Variants in DNER observed in about 807,000 individuals in gnomAD.
DNER encodes delta/notch like EGF repeat containing.
Under a neutral mutation model 78.2 loss-of-function variants are expected in DNER, and 33 were observed. That is an observed-to-expected ratio of 0.42 (90% CI 0.32 to 0.56). The LOEUF (loss-of-function observed/expected upper bound fraction) is 0.56. DNER is among the 20% of genes least tolerant of loss of function. DNER has a pLI of 0.11. For synonymous variants in DNER, 417 were observed against 384.8 expected, an observed-to-expected ratio of 1.08 and a Z score of -0.98; for missense variants, 918 against 975.3, an observed-to-expected ratio of 0.94 and a Z score of 0.78.
chr2:229,626,088 T>G (rs1278287660), intron 1 of DNER, among the ~76,000 whole-genome samples: 1 of 152,062 alleles, frequency 6.6e-6, no homozygotes, highest in African/African-American at 2.4e-5. Context: ...CCTGGCTAAT[T>G]TTTTGTATTT....
At chr2:229,653,268 CTGGAGA>C (rs1347982190) in intron 1 of DNER, among the ~76,000 whole-genome samples, 7 of 152,202 alleles carry the variant, frequency 4.6e-5, no homozygotes, top group Non-Finnish European at 7.3e-5. Context: ...CCCAGTCCTG[CTGGAGA>C]TGGAGAGTCG....
chr2:229,472,909 C>A (rs1049752986), intron 7 of DNER, among the ~76,000 whole-genome samples: 3 of 152,168 alleles, frequency 2.0e-5, no homozygotes, highest in African/African-American at 7.2e-5. Context: ...TGTAGAAGGG[C>A]AGACGTGTCC....
intron 6 of DNER, among the ~76,000 whole-genome samples, chr2:229,481,201 G>A (rs1407939840): frequency 6.6e-6 from 1 of 152,130 alleles, no homozygotes; most frequent in East Asian, 1.9e-4. Flanking sequence ...TTAGACGTAT[G>A]GACCATGATG....
At chr2:229,691,764 A>G (rs532902781) in intron 1 of DNER, among the ~76,000 whole-genome samples, 3 of 152,278 alleles carry the variant, frequency 2.0e-5, no homozygotes, top group Admixed American at 2.0e-4. Flanking sequence ...TTATGCAAAC[A>G]CTAACTTTAA....
At chr2:229,454,159 C>T (rs1262383675) in intron 7 of DNER, among the ~76,000 whole-genome samples, 1 of 152,106 alleles carries the variant, frequency 6.6e-6, no homozygotes, top group African/African-American at 2.4e-5. Context: ...GCTAAGCTTG[C>T]CCAAATTGCT....
At chr2:229,520,373 C>T (rs942891827) in intron 5 of DNER, among the ~76,000 whole-genome samples, 8 of 152,152 alleles carry the variant, frequency 5.3e-5, no homozygotes, top group Admixed American at 1.3e-4. Context: ...ACTCTGAAAA[C>T]GAAATGGAGA....
intron 1 of DNER, among the ~76,000 whole-genome samples, chr2:229,634,217 T>C (rs1322261263): frequency 6.6e-6 from 1 of 152,200 alleles, no homozygotes; most frequent in African/African-American, 2.4e-5. Context: ...GCAAAAAAAT[T>C]ATAATAGCTA....
intron 5 of DNER, among the ~76,000 whole-genome samples, chr2:229,518,797 T>C (rs74852285): frequency 1.2e-4 from 19 of 152,326 alleles, no homozygotes; most frequent in African/African-American, 4.1e-4. Context: ...ACATCCACTA[T>C]GAGGATATTG....
At chr2:229,550,973 A>G (rs897557772) in intron 4 of DNER, among the ~76,000 whole-genome samples, 2 of 152,154 alleles carry the variant, frequency 1.3e-5, no homozygotes, top group Non-Finnish European at 2.9e-5. Flanking sequence ...AATGTTCTCA[A>G]TGTTGAAGTC....
At chr2:229,627,168 C>A (rs1698359719) in intron 1 of DNER, among the ~76,000 whole-genome samples, 1 of 152,196 alleles carries the variant, frequency 6.6e-6, no homozygotes, top group South Asian at 2.1e-4. Context: ...ATATCTAGTG[C>A]CAGCCTCAGA....
At chr2:229,460,156 CAAAAAAAAAAAAAA>C (rs5839331) in intron 7 of DNER, among the ~76,000 whole-genome samples, 1 of 85,508 alleles carries the variant, frequency 1.2e-5, no homozygotes, top group Non-Finnish European at 2.1e-5. Context: ...GACTCCGTCT[CAAAAAAAAAAAAAA>C]AAAAAAAAAA....
At chr2:229,468,371 G>C (rs918824356) in intron 7 of DNER, among the ~76,000 whole-genome samples, 1 of 152,204 alleles carries the variant, frequency 6.6e-6, no homozygotes, top group African/African-American at 2.4e-5. Context: ...ACCTCCCCAA[G>C]TTGTTCTTGG....
intron 11 of DNER, among the ~76,000 whole-genome samples, chr2:229,370,121 T>C (rs1382923482): frequency 6.6e-6 from 1 of 152,246 alleles, no homozygotes; most frequent in Non-Finnish European, 1.5e-5. Context: ...TCAGTCATCA[T>C]AGATCTAAGA....
chr2:229,445,155 C>T (rs1347331808), intron 8 of DNER, among the ~76,000 whole-genome samples: 2 of 152,202 alleles, frequency 1.3e-5, no homozygotes, highest in Non-Finnish European at 2.9e-5. Context: ...ACAATTGCAG[C>T]TTGTTTAGTT....
intron 4 of DNER, among the ~76,000 whole-genome samples, chr2:229,553,013 G>T (rs1023978154): frequency 6.6e-6 from 1 of 152,178 alleles, no homozygotes; most frequent in African/African-American, 2.4e-5. Flanking sequence ...AACCACCAGG[G>T]TTACATGGCT....
chr2:229,548,652 T>C (rs1193763050), intron 4 of DNER, among the ~76,000 whole-genome samples: 1 of 152,012 alleles, frequency 6.6e-6, no homozygotes, highest in Non-Finnish European at 1.5e-5. Context: ...AGGTGGTGGG[T>C]TGATGGGTGC....
intron 1 of DNER, among the ~76,000 whole-genome samples, chr2:229,686,109 G>A (rs1047368745): frequency 2.0e-5 from 3 of 152,084 alleles, no homozygotes; most frequent in Non-Finnish European, 2.9e-5. Flanking sequence ...TGGAGAGGGA[G>A]CTGGATTTGT....
At chr2:229,476,377 A>G (rs1695037368) in intron 7 of DNER, among the ~76,000 whole-genome samples, 1 of 152,154 alleles carries the variant, frequency 6.6e-6, no homozygotes, top group Non-Finnish European at 1.5e-5. Flanking sequence ...AGCCTTAGGT[A>G]ATCTAAGGTA....
Position 229,588,468 on chromosome 2 carries a change from A to G in DNER, c.606T>C (p.Cys202=). The G allele has an allele frequency of 1.3e-6, 2 of 1,597,006 alleles. No homozygotes were observed. Residue 202 remains cysteine (C), a synonymous_variant, in exon 3 of 13, where the codon TGT becomes TGC. Coordinates refer to ENST00000341772, the MANE Select transcript of DNER (RefSeq NM_139072.4). ...CAGAGCTGTTAGAACTGGCATTCCC[A>G]CAGGCAATATCTGGGATCACCTGGG... The part of the protein sequence containing the change: ...DQVEVIPDIA[C]GNASSNSSAG...
Sources: gnomAD v4.1 joint callset for allele counts (sites outside exome capture counted in the v4.1 genomes callset) on GRCh38, gnomAD v4.1.1 for gene constraint, MANE v1.5 for transcripts, NCBI Gene and HGNC (gene_info 2026-07-23, HGNC 2026-07-21) for gene names.